The following CSMD1 variants were observed in gnomAD, a reference collection of about 807,000 sequenced individuals.
The protein encoded by CSMD1 is CUB and Sushi multiple domains 1.
Under a neutral mutation model 417.5 loss-of-function variants are expected in CSMD1, and 213 were observed. The observed-to-expected ratio is 0.51, with a 90% CI of 0.46 to 0.57. The LOEUF (loss-of-function observed/expected upper bound fraction) is 0.57. Among genes scored for constraint, CSMD1 ranks in the 20% least tolerant of loss-of-function variants. The pLI is 0.00. For synonymous variants in CSMD1, 2,862 were observed against 1,736.8 expected (o/e 1.65, Z -16.11); for missense variants, 6,923 against 4,529.7 (o/e 1.53, Z -15.17).
intron 5 of CSMD1, among the ~76,000 whole-genome samples, chr8:3,864,910 T>C (rs1209546023): frequency 3.3e-5 from 5 of 152,232 alleles, no homozygotes; most frequent in African/African-American, 9.6e-5. Flanking sequence ...ACAAGAAGTA[T>C]TGCTCTACGT....
At chr8:3,413,545 C>T (rs978642448) in intron 12 of CSMD1, among the ~76,000 whole-genome samples, 2 of 152,166 alleles carry the variant, frequency 1.3e-5, no homozygotes, top group Non-Finnish European at 2.9e-5. Context: ...TGTGTTTCAC[C>T]TAGCTTTTGT....
chr8:4,121,754 T>C (rs975049610), intron 3 of CSMD1, among the ~76,000 whole-genome samples: 12 of 152,080 alleles, frequency 7.9e-5, no homozygotes, highest in African/African-American at 2.7e-4. Flanking sequence ...ACAGCATTAA[T>C]TTGCACAAAA....
At chr8:3,529,535 T>G (rs1797890783) in intron 10 of CSMD1, among the ~76,000 whole-genome samples, 1 of 152,148 alleles carries the variant, frequency 6.6e-6, no homozygotes, top group South Asian at 2.1e-4. Flanking sequence ...TAATGCCAGA[T>G]TATTTAACTA....
intron 1 of CSMD1, among the ~76,000 whole-genome samples, chr8:4,676,011 C>A (rs1309183709): frequency 6.6e-6 from 1 of 152,126 alleles, no homozygotes; most frequent in Non-Finnish European, 1.5e-5. Context: ...TACATTTGGC[C>A]TTGCAGTTTT....
At chr8:4,502,933 T>C (rs536973896) in intron 2 of CSMD1, among the ~76,000 whole-genome samples, 1 of 152,296 alleles carries the variant, frequency 6.6e-6, no homozygotes, top group South Asian at 2.1e-4. Context: ...ATATGTCTGT[T>C]TGGTCTCTCT....
rs376083945 is a variant in CSMD1, at chr8:3,214,627, G to T, written c.4737C>A (p.Asp1579Glu). Residue 1579 changes from aspartate to glutamate, a missense_variant, in exon 30 of 70, where the codon GAC (aspartate) becomes GAA (glutamate). Physicochemically the swap from Asp to Glu is conservative, Grantham distance 45 (BLOSUM62 2). Transcript: ENST00000635120. ...AGGTGATGGTGGAGCCAAGCTTGAA[G>T]TCTGTTCCAACTCTTGTCCCATTCA... ...NIMNGTRVGTDFKLGSTITYQ... is the reference protein window; with the variant it reads ...NIMNGTRVGTEFKLGSTITYQ... The T allele has an allele frequency of 6.4e-7, 1 of 1,555,738 alleles. No homozygotes were observed. Among genetic ancestry groups the T allele is most frequent in the Non-Finnish European group, 8.7e-7 (1 of 1,149,080 alleles).
At chr8:3,480,251 A>C (rs1209183657) in intron 11 of CSMD1, among the ~76,000 whole-genome samples, 1 of 152,096 alleles carries the variant, frequency 6.6e-6, no homozygotes, top group Non-Finnish European at 1.5e-5. Flanking sequence ...AGTCCCTACT[A>C]CTCAGGAGGT....
At chr8:4,025,887 T>C (rs1218172318) in intron 4 of CSMD1, among the ~76,000 whole-genome samples, 2 of 152,130 alleles carry the variant, frequency 1.3e-5, no homozygotes, top group Non-Finnish European at 2.9e-5. Flanking sequence ...CGGCTACATA[T>C]ATAATACATT....
intron 6 of CSMD1, among the ~76,000 whole-genome samples, chr8:3,741,020 G>A (rs1439485390): frequency 6.6e-6 from 1 of 152,112 alleles, no homozygotes; most frequent in East Asian, 1.9e-4. Context: ...TTCCAGACCA[G>A]CCTGGCCAAC....
At chr8:3,742,739 G>A (rs1354423387) in intron 6 of CSMD1, among the ~76,000 whole-genome samples, 5 of 150,696 alleles carry the variant, frequency 3.3e-5, no homozygotes, top group African/African-American at 1.2e-4. Flanking sequence ...AGAGAGAGAA[G>A]AAAAAAAACA....
chr8:3,255,757 G>C (rs1356348741), intron 26 of CSMD1, among the ~76,000 whole-genome samples: 1 of 152,172 alleles, frequency 6.6e-6, no homozygotes, highest in Non-Finnish European at 1.5e-5. Flanking sequence ...TTTTCCAGGT[G>C]CTGTCTGTCA....
intron 3 of CSMD1, among the ~76,000 whole-genome samples, chr8:4,048,906 T>C (rs2554551): frequency 0.75 from 114,173 of 151,866 alleles, 43,211 homozygotes; most frequent in African/African-American, 0.81. Context: ...AATAGTCTAT[T>C]TGCTAATTTT....
intron 3 of CSMD1, among the ~76,000 whole-genome samples, chr8:4,116,090 C>A (rs1338123048): frequency 6.6e-6 from 1 of 151,918 alleles, no homozygotes; most frequent in Non-Finnish European, 1.5e-5. Context: ...CCTCCGCCTC[C>A]TGGGTTCAAG....
chr8:3,636,307 G>C (rs1035250975), intron 7 of CSMD1, among the ~76,000 whole-genome samples: 1 of 152,124 alleles, frequency 6.6e-6, no homozygotes, highest in African/African-American at 2.4e-5. Context: ...CTGTTGTACA[G>C]GCCGGGATTA....
intron 3 of CSMD1, among the ~76,000 whole-genome samples, chr8:4,070,083 G>T (rs374216749): frequency 1.3e-5 from 2 of 151,460 alleles, no homozygotes; most frequent in Non-Finnish European, 2.9e-5. Flanking sequence ...GTTTGCTCTT[G>T]GAATTAAAGA....
At chr8:4,496,952 T>C (rs1048998314) in intron 2 of CSMD1, among the ~76,000 whole-genome samples, 10 of 152,136 alleles carry the variant, frequency 6.6e-5, no homozygotes, top group Admixed American at 5.2e-4. Flanking sequence ...GGAAGCAAAC[T>C]AATAGCTTAC....
rs551836221 is a variant in CSMD1, at chr8:4,762,904, C to G, written c.86-125346G>C. Among the ~76,000 whole-genome samples, 5 of 152,270 alleles carry G rather than the reference C, an allele frequency of 3.3e-5. No homozygotes were observed. In the South Asian group the frequency reaches 8.3e-4, roughly 25 times the overall value. On this transcript the variant is annotated intron_variant, in intron 1 of 69. Coordinates refer to ENST00000635120, the MANE Select transcript of CSMD1 (RefSeq NM_033225.6). ...ATCTCATTTATACACCCTGCCATAG[C>G]AGCATTGTAGGTAGGGTTATAATTT...
intron 3 of CSMD1, among the ~76,000 whole-genome samples, chr8:4,278,864 C>A (rs1209026455): frequency 6.6e-6 from 1 of 152,138 alleles, no homozygotes; most frequent in Non-Finnish European, 1.5e-5. Flanking sequence ...TTCTCAATTG[C>A]AGTATGTATG....
chr8:3,946,851 G>T (rs1278086021), intron 5 of CSMD1, among the ~76,000 whole-genome samples: 1 of 151,970 alleles, frequency 6.6e-6, no homozygotes, highest in East Asian at 1.9e-4. Context: ...TAAAAATTTT[G>T]TTTTGAAATT....
Sources: gnomAD v4.1 joint callset for allele counts (sites outside exome capture counted in the v4.1 genomes callset) on GRCh38, gnomAD v4.1.1 for gene constraint, MANE v1.5 for transcripts, NCBI Gene and HGNC (gene_info 2026-07-23, HGNC 2026-07-21) for gene names.